The following SDK1 variants were observed in gnomAD, a reference collection of about 807,000 sequenced individuals.
SDK1 encodes the protein protein sidekick-1.
SDK1 carries 157 observed loss-of-function variants against 245.5 expected under a neutral mutation model. The ratio of observed to expected loss-of-function variants is 0.64; its 90% confidence interval spans 0.56 to 0.73. The LOEUF is 0.73. SDK1 is among the 30% of genes least tolerant of loss of function. The pLI is 0.00. For missense variants in SDK1, 3,583 were observed against 3,002.3 expected (o/e 1.19, Z -4.52); for synonymous variants, 1,647 against 1,278.5 (o/e 1.29, Z -6.15).
intron 14 of SDK1, among the ~76,000 whole-genome samples, chr7:3,988,903 C>G (rs149448398): frequency 2.6e-5 from 4 of 152,124 alleles, no homozygotes; most frequent in African/African-American, 9.7e-5. Flanking sequence ...TCCCGAGTAG[C>G]TGGGACTACA....
At chr7:3,397,829 C>G (rs1778762272) in intron 1 of SDK1, among the ~76,000 whole-genome samples, 1 of 152,010 alleles carries the variant, frequency 6.6e-6, no homozygotes, top group South Asian at 2.1e-4. Flanking sequence ...ATGTTTTACA[C>G]TTTTTTCCAT....
intron 4 of SDK1, among the ~76,000 whole-genome samples, chr7:3,723,880 A>C (rs533951295): frequency 7.8e-6 from 1 of 127,396 alleles, no homozygotes; most frequent in African/African-American, 3.4e-5. Context: ...ATACACGTAC[A>C]TATATATATA....
intron 4 of SDK1, among the ~76,000 whole-genome samples, chr7:3,680,845 T>TATTTATG (rs1784077229): frequency 6.6e-6 from 1 of 151,956 alleles, no homozygotes; most frequent in Admixed American, 6.5e-5. Flanking sequence ...ATTTATTTAT[T>TATTTATG]TATTTATGTA....
chr7:4,076,395 A>G (rs1780680649), intron 20 of SDK1, among the ~76,000 whole-genome samples: 3 of 152,076 alleles, frequency 2.0e-5, no homozygotes, highest in Admixed American at 6.5e-5. Flanking sequence ...CTCTCCAAAA[A>G]AATACAAAAA....
At chr7:4,159,317 G>C (rs1216184226) in intron 31 of SDK1, among the ~76,000 whole-genome samples, 1 of 152,194 alleles carries the variant, frequency 6.6e-6, no homozygotes, top group Non-Finnish European at 1.5e-5. Context: ...CTGGAAGTGT[G>C]GTTTCTCCCA....
intron 38 of SDK1, among the ~76,000 whole-genome samples, chr7:4,211,574 G>T (rs1237453628): frequency 6.6e-6 from 1 of 152,142 alleles, no homozygotes; most frequent in Non-Finnish European, 1.5e-5. Flanking sequence ...CACCTGCTGG[G>T]TCAGTGCACA....
rs140899958 is a variant in SDK1, at chr7:4,142,742, C to T, written c.4229-2980C>T. Reference sequence around the variant, plus strand: ...CCTCCCAAAATGCTGGGATTACAGGCGTGAGCCACTGTGCCTGGCTGCTTT... The same window carrying T: ...CCTCCCAAAATGCTGGGATTACAGGTGTGAGCCACTGTGCCTGGCTGCTTT... On this transcript the variant is annotated intron_variant, in intron 28 of 44. Transcript: ENST00000404826. 2.6e-3 allele frequency among the ~76,000 whole-genome samples: 402 copies of T among 152,294 alleles called. 1 individual carries two copies. Among genetic ancestry groups the T allele is most frequent in the African/African-American group, 8.7e-3 (360 of 41,552 alleles).
intron 22 of SDK1, among the ~76,000 whole-genome samples, chr7:4,096,486 G>A (rs571607010): frequency 2.6e-5 from 4 of 152,128 alleles, no homozygotes; most frequent in South Asian, 4.1e-4. Context: ...CAACTATACC[G>A]GGATGGGTCG....
intron 5 of SDK1, among the ~76,000 whole-genome samples, chr7:3,899,236 C>T (rs895760976): frequency 6.6e-6 from 1 of 152,180 alleles, no homozygotes; most frequent in African/African-American, 2.4e-5. Context: ...ATGTATCACC[C>T]TCAGTCTCCC....
Position 4,185,923 on chromosome 7 carries a change from G to C in SDK1, c.5098+7337G>C, listed in dbSNP as rs573444506. Reference sequence around the variant, plus strand: ...AAACATAGCCCAGGCCACCGGCCCAGAAGCACAAGTGACTGAGTGACCCCT... The same window carrying C: ...AAACATAGCCCAGGCCACCGGCCCACAAGCACAAGTGACTGAGTGACCCCT... On this transcript the variant is annotated intron_variant, in intron 35 of 44. Coordinates refer to ENST00000404826, the MANE Select transcript of SDK1 (RefSeq NM_152744.4). Among the ~76,000 whole-genome samples the C allele has an allele frequency of 2.6e-5, 4 of 152,182 alleles. No homozygotes were observed. In the East Asian group the frequency reaches 7.8e-4, roughly 30 times the overall value.
chr7:3,869,274 G>A (rs1483087209), intron 5 of SDK1, among the ~76,000 whole-genome samples: 1 of 151,004 alleles, frequency 6.6e-6, no homozygotes, highest in Admixed American at 6.6e-5. Context: ...TCCTGCCTCA[G>A]CCTTCCGGGT....
chr7:4,170,909 C>T (rs1194148458), intron 32 of SDK1, among the ~76,000 whole-genome samples: 1 of 152,108 alleles, frequency 6.6e-6, no homozygotes, highest in East Asian at 1.9e-4. Flanking sequence ...ACTGCTTTGT[C>T]GTCAAAATCA....
At chr7:3,673,049 A>G (rs1783770715) in intron 4 of SDK1, among the ~76,000 whole-genome samples, 1 of 151,970 alleles carries the variant, frequency 6.6e-6, no homozygotes. Flanking sequence ...TCTTGCTGAT[A>G]GTAAATAAAT....
chr7:4,067,733 C>T (rs1205011151), intron 19 of SDK1, 105 bp from the exon 20 acceptor site: 2 of 771,420 alleles, frequency 2.6e-6, no homozygotes, highest in Non-Finnish European at 4.3e-6. Context: ...GTTTTGCAGC[C>T]CCAGCTCACC....
At chr7:4,053,177 G>C (rs897859460) in intron 19 of SDK1, among the ~76,000 whole-genome samples, 2 of 151,486 alleles carry the variant, frequency 1.3e-5, no homozygotes, top group African/African-American at 2.4e-5. Flanking sequence ...GATGGGCTCA[G>C]CCTTCTGAAC....
At chr7:3,637,111 G>GTGTA (rs60078934) in intron 2 of SDK1, among the ~76,000 whole-genome samples, 3 of 150,962 alleles carry the variant, frequency 2.0e-5, no homozygotes, top group African/African-American at 7.3e-5. Context: ...GTGTGTGTGT[G>GTGTA]TTTTGAGAGA....
chr7:3,724,974 A>G (rs574055326), intron 4 of SDK1, among the ~76,000 whole-genome samples: 9 of 152,250 alleles, frequency 5.9e-5, no homozygotes, highest in Admixed American at 5.2e-4. Context: ...ATTTTCGTGG[A>G]CAGCCAGCTC....
intron 1 of SDK1, among the ~76,000 whole-genome samples, chr7:3,421,002 A>G (rs957868191): frequency 6.7e-6 from 1 of 148,988 alleles, no homozygotes. Flanking sequence ...GGATTGTTTT[A>G]TTGTTGTACT....
At chr7:3,345,150 C>T (rs1039210608) in intron 1 of SDK1, among the ~76,000 whole-genome samples, 1 of 152,166 alleles carries the variant, frequency 6.6e-6, no homozygotes, top group Admixed American at 6.5e-5. Context: ...ACACAGAGGG[C>T]ATGTTATTAG....
Sources: gnomAD v4.1 joint callset for allele counts (sites outside exome capture counted in the v4.1 genomes callset) on GRCh38, gnomAD v4.1.1 for gene constraint, MANE v1.5 for transcripts, NCBI Gene and HGNC (gene_info 2026-07-23, HGNC 2026-07-21) for gene names.